Variants in CDH10 observed in about 807,000 individuals in gnomAD.
The protein encoded by CDH10 is cadherin 10, also known as cadherin-10.
Under a neutral mutation model 73.1 loss-of-function variants are expected in CDH10, and 30 were observed. That is an observed-to-expected ratio of 0.41 (90% CI 0.31 to 0.56). The LOEUF is 0.56. CDH10 is among the 20% of genes least tolerant of loss of function. The probability of loss-of-function intolerance (pLI) is 0.27; values close to 1 mark genes in which losing one functional copy is unlikely to be tolerated. For synonymous variants in CDH10, 345 were observed against 348.2 expected, an observed-to-expected ratio of 0.99 and a Z score of 0.10; for missense variants, 815 against 973.7, an observed-to-expected ratio of 0.84 and a Z score of 2.17.
intron 1 of CDH10, chr5:24,612,115 C>A (rs143531784): frequency 6.6e-6 from 1 of 152,060 alleles, no homozygotes; most frequent in African/African-American, 2.4e-5. Context: ...TGTGATAGTA[C>A]GTTACACATT....
chr5:24,567,568 A>G (rs1025748953), intron 2 of CDH10, among the ~76,000 whole-genome samples: 25 of 152,028 alleles, frequency 1.6e-4, no homozygotes, highest in African/African-American at 5.6e-4. Flanking sequence ...CCAAAGGTCC[A>G]TTTAAATAAA....
At chr5:24,549,304 G>GT (rs1238695838) in intron 2 of CDH10, among the ~76,000 whole-genome samples, 6 of 152,052 alleles carry the variant, frequency 3.9e-5, no homozygotes, top group Admixed American at 3.3e-4. Flanking sequence ...GAGGAAATAG[G>GT]TAAGAAATTT....
In CDH10 at chr5:24,487,471, A is replaced by G. The variant is rs1579703678; in HGVS notation, c.*192T>C. 1.8e-6 allele frequency: 1 copy of G among 547,872 alleles called. No individual in the cohort carries two copies. Among genetic ancestry groups the G allele is most frequent in the East Asian group, 3.0e-5 (1 of 33,872 alleles). The allele number at this position is 547,872 out of a possible 1,614,324, so 33.9% of individuals were successfully genotyped here. Reference sequence around the variant, plus strand: ...CTTTGGCTCTTGGAAGTGATTAAATAAAATGTCATATATATTCCATGAGAC... The same window carrying G: ...CTTTGGCTCTTGGAAGTGATTAAATGAAATGTCATATATATTCCATGAGAC... On this transcript the variant is annotated 3_prime_UTR_variant, in exon 12 of 12. Coordinates refer to ENST00000264463, the MANE Select transcript of CDH10 (RefSeq NM_006727.5).
intron 1 of CDH10, among the ~76,000 whole-genome samples, chr5:24,634,504 T>C (rs1427131609): frequency 1.3e-5 from 2 of 151,708 alleles, no homozygotes; most frequent in Non-Finnish European, 3.0e-5. Context: ...TGCCAAATAT[T>C]ATAGTGAAGT....
chr5:24,620,676 A>G (rs956689317), intron 1 of CDH10, among the ~76,000 whole-genome samples: 10 of 152,214 alleles, frequency 6.6e-5, no homozygotes, highest in African/African-American at 2.4e-4. Flanking sequence ...GCTTTGGGAA[A>G]TCAACTTTGA....
chr5:24,537,702 A>G, intron 2 of CDH10, 28 bp from the exon 3 acceptor site: 6 of 1,413,362 alleles, frequency 4.2e-6, no homozygotes, highest in Non-Finnish European at 5.9e-6. Flanking sequence ...GAGTATATCC[A>G]TGATCATGTA....
chr5:24,543,962 CA>C (rs1744245936), intron 2 of CDH10, among the ~76,000 whole-genome samples: 2 of 152,096 alleles, frequency 1.3e-5, no homozygotes, highest in South Asian at 4.1e-4. Flanking sequence ...TACATAAAAA[CA>C]AGACCAATTT....
At chr5:24,547,067 C>T (rs1744370367) in intron 2 of CDH10, among the ~76,000 whole-genome samples, 1 of 152,162 alleles carries the variant, frequency 6.6e-6, no homozygotes. Context: ...TACAGGACTT[C>T]CAGTTAACTA....
At chr5:24,517,707 G>C (rs1030316185) in intron 5 of CDH10, among the ~76,000 whole-genome samples, 1 of 152,162 alleles carries the variant, frequency 6.6e-6, no homozygotes, top group Non-Finnish European at 1.5e-5. Context: ...AGTCCAAATT[G>C]AAGGGAAATG....
chr5:24,512,082 C>A (rs544115022), intron 5 of CDH10, among the ~76,000 whole-genome samples: 2 of 152,218 alleles, frequency 1.3e-5, no homozygotes, highest in East Asian at 3.9e-4. Flanking sequence ...GTACAACAAA[C>A]CCCCGTGACA....
At chr5:24,538,638 A>G (rs906771872) in intron 2 of CDH10, among the ~76,000 whole-genome samples, 11 of 152,110 alleles carry the variant, frequency 7.2e-5, no homozygotes, top group African/African-American at 2.7e-4. Context: ...TTAGGAGTAC[A>G]TATACTACTG....
chr5:24,569,318 T>C (rs1265419973), intron 2 of CDH10, among the ~76,000 whole-genome samples: 1 of 152,178 alleles, frequency 6.6e-6, no homozygotes, highest in Non-Finnish European at 1.5e-5. Context: ...ATAGTAATGA[T>C]GTTTGCACAA....
intron 1 of CDH10, among the ~76,000 whole-genome samples, chr5:24,615,080 AC>A (rs1479616945): frequency 6.6e-6 from 1 of 152,020 alleles, no homozygotes; most frequent in African/African-American, 2.4e-5. Context: ...TGCCCACATT[AC>A]CCACAATCCA....
chr5:24,577,078 A>T lies in CDH10; in HGVS notation c.231+16182T>A, dbSNP rs1436186628. On this transcript the variant is annotated intron_variant, in intron 2 of 11. Coordinates refer to ENST00000264463, the MANE Select transcript of CDH10 (RefSeq NM_006727.5). ...TACACCTCAACGTCAAAGTTATTTA[A>T]AAAAAAAAAACCAAAAACTGTGAAG... Among the ~76,000 whole-genome samples the T allele has an allele frequency of 1.1e-3, 6 of 5,418 alleles. No homozygotes were observed. In the East Asian group the frequency reaches 0.25, roughly 226 times the overall value. The allele number at this position is 5,418 out of a possible 152,430, so 3.6% of individuals were successfully genotyped here.
At chr5:24,492,098 A>G (rs530331387) in intron 10 of CDH10, among the ~76,000 whole-genome samples, 31 of 152,184 alleles carry the variant, frequency 2.0e-4, no homozygotes, top group Non-Finnish European at 2.8e-4. Flanking sequence ...TGAATCATTT[A>G]CCAAGATTAC....
rs1746635150 is a variant in CDH10 at position 24,603,335 on chromosome 5, T to G, written c.-123-9722A>C. 1.3e-5 allele frequency among the ~76,000 whole-genome samples: 2 copies of G among 152,170 alleles called. 1 individual carries two copies. Among genetic ancestry groups the G allele is most frequent in the Admixed American group, 1.3e-4 (2 of 15,270 alleles). ...CTTCCCAACACATTTTATGTATGTA[T>G]CATTACTCTGACACCAAAACGATAA... is the stretch of plus-strand genomic sequence containing the variant. On this transcript the variant is annotated intron_variant, in intron 1 of 11. Transcript: ENST00000264463.
chr5:24,639,060 T>C (rs953203477), intron 1 of CDH10, among the ~76,000 whole-genome samples: 1 of 151,658 alleles, frequency 6.6e-6, no homozygotes, highest in East Asian at 1.9e-4. Flanking sequence ...GTTGAAGATT[T>C]ATATGGAAAC....
intron 5 of CDH10, among the ~76,000 whole-genome samples, chr5:24,517,610 G>A (rs1035328690): frequency 6.6e-6 from 1 of 151,992 alleles, no homozygotes; most frequent in Admixed American, 6.6e-5. Context: ...AAATAATTCA[G>A]TTCAATATCT....
At chr5:24,611,344 T>C (rs995707436) in intron 1 of CDH10, among the ~76,000 whole-genome samples, 7 of 151,974 alleles carry the variant, frequency 4.6e-5, no homozygotes, top group Non-Finnish European at 7.4e-5. Context: ...CCCTAACAAT[T>C]TGGGAGGTGA....
Sources: gnomAD v4.1 joint callset for allele counts (sites outside exome capture counted in the v4.1 genomes callset) on GRCh38, gnomAD v4.1.1 for gene constraint, MANE v1.5 for transcripts, NCBI Gene and HGNC (gene_info 2026-07-23, HGNC 2026-07-21) for gene names.